PWWP2A: variants seen among roughly 807,000 people sequenced by gnomAD.
PWWP2A encodes the protein PWWP domain containing 2A.
A neutral mutation model predicts 48.5 loss-of-function variants in PWWP2A; 18 were observed. The ratio of observed to expected loss-of-function variants is 0.37; its 90% CI spans 0.26 to 0.55. The LOEUF (loss-of-function observed/expected upper bound fraction) is 0.55, where lower values mean the gene tolerates loss of function less well. Ranked by LOEUF, PWWP2A falls within the 20% of genes least tolerant of loss-of-function variation. The pLI is 0.81. For synonymous variants in PWWP2A, 396 were observed against 387.7 expected (o/e 1.02, Z -0.25); for missense variants, 867 against 976.4 (o/e 0.89, Z 1.49).
the PWWP2A span, among the ~76,000 whole-genome samples, chr5:160,044,688 CTT>C: frequency 6.6e-6 from 1 of 152,178 alleles, no homozygotes; most frequent in Non-Finnish European, 1.5e-5. Flanking sequence ...TGGCCAGCCT[CTT>C]TACTGCATCC....
downstream of PWWP2A, among the ~76,000 whole-genome samples, chr5:160,056,895 A>G (rs1316308066): frequency 1.3e-5 from 2 of 152,154 alleles, no homozygotes; most frequent in Admixed American, 1.3e-4. Flanking sequence ...CAGCTTCCTC[A>G]CTGAGGCTTA....
At chr5:160,045,592 GC>G in the PWWP2A span, among the ~76,000 whole-genome samples, 50 of 141,250 alleles carry the variant, frequency 3.5e-4, 1 homozygote, top group African/African-American at 1.3e-3. Context: ...ATAAACCTTG[GC>G]AAAGAACTTA....
At chr5:160,086,154 T>C (rs907014169) in intron 2 of PWWP2A, among the ~76,000 whole-genome samples, 9 of 152,006 alleles carry the variant, frequency 5.9e-5, no homozygotes, top group Non-Finnish European at 2.9e-5. Flanking sequence ...ACAAAGAAAC[T>C]TCCATATTTA....
At chr5:160,048,519 AC>A in the PWWP2A span, among the ~76,000 whole-genome samples, 2 of 152,292 alleles carry the variant, frequency 1.3e-5, no homozygotes, top group Admixed American at 6.5e-5. Context: ...AGTATGTTGA[AC>A]CAAAACATAG....
chr5:160,104,002 T>A (rs921286038), intron 1 of PWWP2A, among the ~76,000 whole-genome samples: 1 of 150,750 alleles, frequency 6.6e-6, no homozygotes, highest in South Asian at 2.1e-4. Flanking sequence ...TGTGCATCCA[T>A]AATCCCATCT....
At chr5:160,109,774 A>AAAAATATATATAT (rs1554104831) in intron 1 of PWWP2A, among the ~76,000 whole-genome samples, 1 of 25,226 alleles carries the variant, frequency 4.0e-5, no homozygotes, top group African/African-American at 1.5e-4. Context: ...AAAAAAAAAA[A>AAAAATATATATAT]ATATATATAT....
intron 1 of PWWP2A, among the ~76,000 whole-genome samples, chr5:160,104,204 C>T (rs1469442186): frequency 6.6e-6 from 1 of 151,560 alleles, no homozygotes; most frequent in Non-Finnish European, 1.5e-5. Context: ...GCCTGTAATC[C>T]TAGCACTTTA....
At chr5:160,065,123 T>C in intron 4 of PWWP2A, 2 of 1,585,998 alleles carry the variant, frequency 1.3e-6, no homozygotes, top group South Asian at 1.1e-5. Context: ...TGCTGTTAGC[T>C]AGGGGAAAGG....
chr5:160,104,180 T>C (rs1444193026), intron 1 of PWWP2A, among the ~76,000 whole-genome samples: 11 of 144,050 alleles, frequency 7.6e-5, no homozygotes, highest in Non-Finnish European at 1.1e-4. Context: ...CTGAGAGTGA[T>C]AGCAATGGCT....
rs1177046958 is a variant in PWWP2A, at chr5:160,119,439, A to C, written c.-51T>G. The C allele has an allele frequency of 7.4e-7, 1 of 1,351,082 alleles. No homozygotes were observed. Among genetic ancestry groups the C allele is most frequent in the Non-Finnish European group, 9.5e-7 (1 of 1,057,592 alleles). The allele number at this position is 1,351,082 out of a possible 1,614,324, so 83.7% of individuals were successfully genotyped here. A position where few individuals can be genotyped will look rare whatever the true frequency, so the allele number is the denominator to read the frequency against. On this transcript the variant is annotated 5_prime_UTR_variant, in exon 1 of 2. Transcript: ENST00000307063. ...AACTCCGGCTGCAGCGGCGGCGGCGACAGCGCTGCTTGGTTCCCTGGGCCT... is the reference window on the plus strand; with the variant it reads ...AACTCCGGCTGCAGCGGCGGCGGCGCCAGCGCTGCTTGGTTCCCTGGGCCT...
chr5:160,114,654 T>C (rs1161238066), intron 1 of PWWP2A, among the ~76,000 whole-genome samples: 1 of 150,954 alleles, frequency 6.6e-6, no homozygotes, highest in Non-Finnish European at 1.5e-5. Context: ...TCCCAGCTAC[T>C]TGGGAGGCTG....
chr5:160,063,260 G>C (rs2113426315), intron 5 of PWWP2A, among the ~76,000 whole-genome samples: 1 of 152,280 alleles, frequency 6.6e-6, no homozygotes, highest in African/African-American at 2.4e-5. Context: ...CTGTTACCCA[G>C]GCTGGAGTGC....
intron 1 of PWWP2A, among the ~76,000 whole-genome samples, chr5:160,118,384 G>A (rs1304086814): frequency 6.6e-6 from 1 of 152,172 alleles, no homozygotes; most frequent in African/African-American, 2.4e-5. Flanking sequence ...AAACGTTAGA[G>A]GACAGACAAG....
intron 1 of PWWP2A, among the ~76,000 whole-genome samples, chr5:160,109,343 C>G (rs563461172): frequency 6.7e-6 from 1 of 148,898 alleles, no homozygotes; most frequent in Non-Finnish European, 1.5e-5. Flanking sequence ...TGTCACATCC[C>G]CTGCTCCAAA....
chr5:160,093,073 G>T lies in PWWP2A; in HGVS notation c.1577C>A (p.Pro526His). ...GCTGGCCTCTTCAGGGCCTTTTGAG[G>T]GACTCTGATTTTCTGAAGGGGCCTC... is the stretch of plus-strand genomic sequence containing the variant. ...AGEAPSENQS[P>H]SKGPEEASSE... Residue 526 changes from proline (P) to histidine (H), a missense_variant, in exon 2 of 2, where the codon CCC becomes CAC. Pro to His is a moderately conservative substitution (Grantham distance 77). This residue lies in a region of PWWP2A where 382 missense variants were observed against 407.2 expected (regional missense o/e 0.94). Coordinates refer to ENST00000307063, the MANE Select transcript of PWWP2A (RefSeq NM_001130864.2). This position sits in a 1 kb window ranked among gnomAD's most constrained non-coding sequence, Gnocchi z 5.8. The T allele has an allele frequency of 6.2e-7, 1 of 1,613,256 alleles. No individual in the cohort carries two copies. Among genetic ancestry groups the T allele is most frequent in the Non-Finnish European group, 8.5e-7 (1 of 1,179,688 alleles).
At chr5:160,080,283 A>C (rs1561653965) in intron 3 of PWWP2A, among the ~76,000 whole-genome samples, 1 of 152,174 alleles carries the variant, frequency 6.6e-6, no homozygotes, top group South Asian at 2.1e-4. Context: ...AGTGACAAAA[A>C]AAGACGGAGA....
the PWWP2A span, among the ~76,000 whole-genome samples, chr5:160,055,743 A>G: frequency 6.6e-6 from 1 of 152,238 alleles, no homozygotes; most frequent in East Asian, 1.9e-4. Flanking sequence ...TAGAGGCCAG[A>G]GGAGGGCATG....
At chr5:160,103,671 C>G (rs1313224885) in intron 1 of PWWP2A, among the ~76,000 whole-genome samples, 1 of 151,996 alleles carries the variant, frequency 6.6e-6, no homozygotes, top group Non-Finnish European at 1.5e-5. Context: ...GACTAGTTAT[C>G]CATTCTGAAT....
downstream of PWWP2A, chr5:160,089,741 A>T: frequency 8.2e-7 from 1 of 1,218,972 alleles, no homozygotes; most frequent in Non-Finnish European, 1.0e-6. Flanking sequence ...TGTTTTAGCC[A>T]CGACTCTTAC....
Sources: gnomAD v4.1 joint callset for allele counts (sites outside exome capture counted in the v4.1 genomes callset) on GRCh38, gnomAD v4.1.1 for gene constraint, gnomAD v4.1.1 regional missense constraint, Gnocchi (gnomAD v3.1) non-coding constraint, MANE v1.5 for transcripts, NCBI Gene and HGNC (gene_info 2026-07-23, HGNC 2026-07-21) for gene names.